CAP2: variants seen among roughly 807,000 people sequenced by gnomAD.
CAP2 encodes the protein cyclase associated actin cytoskeleton regulatory protein 2.
In CAP2, 24 loss-of-function variants were observed where a neutral mutation model predicts 57.7. The ratio of observed to expected loss-of-function variants is 0.42; its 90% CI spans 0.30 to 0.58. The LOEUF is 0.58. CAP2 is among the 20% of genes least tolerant of loss of function. The probability of loss-of-function intolerance (pLI) is 0.22; values close to 1 mark genes in which losing one functional copy is unlikely to be tolerated. For missense variants in CAP2, 501 were observed against 590.3 expected (o/e 0.85, Z 1.57); for synonymous variants, 194 against 207.2 (o/e 0.94, Z 0.55).
At chr6:17,505,553 A>AAAC (rs1266782919) in intron 4 of CAP2, among the ~76,000 whole-genome samples, 7 of 152,376 alleles carry the variant, frequency 4.6e-5, no homozygotes, top group African/African-American at 1.7e-4. Flanking sequence ...TCTAATATGT[A>AAAC]GCCAAGGCTG....
intron 11 of CAP2, among the ~76,000 whole-genome samples, chr6:17,543,691 T>C (rs1370058021): frequency 6.6e-6 from 1 of 151,882 alleles, no homozygotes; most frequent in Non-Finnish European, 1.5e-5. Flanking sequence ...ACTCCTATTC[T>C]TGTTCCCTCT....
chr6:17,482,766 C>T (rs1056009387), intron 4 of CAP2, among the ~76,000 whole-genome samples: 2 of 152,200 alleles, frequency 1.3e-5, no homozygotes, highest in African/African-American at 2.4e-5. Flanking sequence ...CAGGGGCCCT[C>T]CCTACTGCAG....
rs140140265 is a variant in CAP2 at position 17,538,505 on chromosome 6, C to T, written c.637-764C>T. Among the ~76,000 whole-genome samples, 433 of 152,222 alleles carry T rather than the reference C, an allele frequency of 2.8e-3. 1 individual carries two copies. The highest frequency in any genetic ancestry group is 0.01 in the African/African-American group (422 of 41,540). On this transcript the variant is annotated intron_variant, in intron 7 of 12. Coordinates refer to ENST00000229922, the MANE Select transcript of CAP2 (RefSeq NM_006366.3). ...AAGCAAGTCTCTCTCTTGTCTATCA[C>T]GTCTTATTGCCATTTGAATTTGTTA...
At position 17,525,728 on chromosome 6, in the gene CAP2, A is replaced by G. The variant is rs184243892; in HGVS notation, c.636+11774A>G. 3.3e-5 allele frequency among the ~76,000 whole-genome samples: 5 copies of G among 152,298 alleles called. No homozygotes were observed. The East Asian group carries it at 7.7e-4, about 23-fold the overall frequency. On this transcript the variant is annotated intron_variant, in intron 7 of 12. Transcript: ENST00000229922. ...AATTCCCTCCTAAGAGAGTTCCAAA[A>G]ACCCTACGAAAGGAGGAAAGACACA...
chr6:17,408,219 G>T (rs897219536), intron 1 of CAP2, among the ~76,000 whole-genome samples: 1 of 152,166 alleles, frequency 6.6e-6, no homozygotes, highest in African/African-American at 2.4e-5. Context: ...AAGGCCTCAG[G>T]CTGCTTCCAT....
intron 3 of CAP2, among the ~76,000 whole-genome samples, chr6:17,442,862 T>A (rs1379202675): frequency 1.3e-5 from 2 of 151,906 alleles, no homozygotes; most frequent in African/African-American, 2.4e-5. Context: ...GAACTACAGA[T>A]GTGCGCCACC....
intron 11 of CAP2, among the ~76,000 whole-genome samples, chr6:17,550,000 A>G (rs968866885): frequency 3.9e-5 from 6 of 152,252 alleles, no homozygotes; most frequent in East Asian, 1.9e-4. Flanking sequence ...AACAATTTAA[A>G]TGTCCACCAG....
chr6:17,492,896 C>T (rs901225123), intron 4 of CAP2, among the ~76,000 whole-genome samples: 11 of 152,276 alleles, frequency 7.2e-5, no homozygotes, highest in African/African-American at 2.6e-4. Context: ...GTCCCTAGGA[C>T]TATGCCTGGC....
intron 4 of CAP2, among the ~76,000 whole-genome samples, chr6:17,489,016 C>T (rs947138175): frequency 1.3e-5 from 2 of 152,174 alleles, no homozygotes; most frequent in African/African-American, 2.4e-5. Context: ...TACCATTACC[C>T]GTTTTGCCTT....
chr6:17,530,061 A>G (rs1011238141), intron 7 of CAP2, among the ~76,000 whole-genome samples: 7 of 152,072 alleles, frequency 4.6e-5, no homozygotes, highest in African/African-American at 1.7e-4. Flanking sequence ...TTGTGATTGA[A>G]ATGGCTTTGT....
At chr6:17,551,412 A>G in intron 11 of CAP2, 52 bp from the exon 12 acceptor site, 1 of 1,416,010 alleles carries the variant, frequency 7.1e-7, no homozygotes. Flanking sequence ...ATTCGAGGGC[A>G]TTGTTATTTC....
At chr6:17,466,908 A>G (rs1581543228) in intron 4 of CAP2, among the ~76,000 whole-genome samples, 1 of 152,292 alleles carries the variant, frequency 6.6e-6, no homozygotes, top group Non-Finnish European at 1.5e-5. Flanking sequence ...TATCTGTTGC[A>G]AGTCAGCTTA....
chr6:17,552,832 GACTGCTGCCAC>G (rs1763202366), intron 12 of CAP2, among the ~76,000 whole-genome samples: 2 of 152,124 alleles, frequency 1.3e-5, no homozygotes, highest in Admixed American at 1.3e-4. Context: ...CAGACGGTGT[GACTGCTGCCAC>G]ATTCTCCCTT....
intron 3 of CAP2, among the ~76,000 whole-genome samples, chr6:17,450,346 G>A (rs527375951): frequency 7.2e-5 from 11 of 152,276 alleles, no homozygotes; most frequent in African/African-American, 2.2e-4. Flanking sequence ...CACCACGCCC[G>A]GCTCCAATTC....
At chr6:17,436,330 AC>A (rs1171444950) in intron 3 of CAP2, among the ~76,000 whole-genome samples, 1 of 152,000 alleles carries the variant, frequency 6.6e-6, no homozygotes, top group East Asian at 1.9e-4. Context: ...ACAAGGTTTT[AC>A]CATGTTGGCC....
intron 1 of CAP2, among the ~76,000 whole-genome samples, chr6:17,405,265 C>A (rs1290849378): frequency 6.6e-6 from 1 of 151,928 alleles, no homozygotes; most frequent in African/African-American, 2.4e-5. Flanking sequence ...CTTGTTAATC[C>A]CAGCCACTCG....
chr6:17,534,946 C>G (rs1046484693), intron 7 of CAP2, among the ~76,000 whole-genome samples: 4 of 152,058 alleles, frequency 2.6e-5, no homozygotes, highest in Non-Finnish European at 5.9e-5. Flanking sequence ...CCAGTGAGTA[C>G]GCAGGAAAAA....
intron 4 of CAP2, among the ~76,000 whole-genome samples, chr6:17,467,919 T>C (rs1230580361): frequency 8.5e-5 from 13 of 152,170 alleles, no homozygotes; most frequent in Admixed American, 8.5e-4. Flanking sequence ...CTAACTACTA[T>C]TTTCTTACCC....
At chr6:17,410,053 A>G (rs1256445308) in intron 1 of CAP2, among the ~76,000 whole-genome samples, 1 of 152,140 alleles carries the variant, frequency 6.6e-6, no homozygotes, top group Admixed American at 6.5e-5. Context: ...ATGCGTTTGC[A>G]TATGGAGGCA....
Sources: allele counts gnomAD v4.1 joint callset (sites outside exome capture counted in the v4.1 genomes callset), GRCh38; gene constraint gnomAD v4.1.1; transcripts MANE v1.5; gene names NCBI Gene and HGNC (gene_info 2026-07-23, HGNC 2026-07-21).